SLC9A8: variants seen among roughly 807,000 people sequenced by gnomAD.
SLC9A8 encodes the protein sodium/hydrogen exchanger 8.
SLC9A8 carries 48 observed loss-of-function variants against 66.6 expected under a neutral mutation model. The observed-to-expected ratio is 0.72, with a 90% CI of 0.57 to 0.92. SLC9A8 has a LOEUF of 0.92. Among genes scored for constraint, SLC9A8 ranks in the 40% least tolerant of loss-of-function variants. The probability of loss-of-function intolerance (pLI) is 0.00; values close to 1 mark genes in which losing one functional copy is unlikely to be tolerated. For synonymous variants in SLC9A8, 274 were observed against 282.6 expected, an observed-to-expected ratio of 0.97 and a Z score of 0.31; for missense variants, 599 against 747.3, an observed-to-expected ratio of 0.80 and a Z score of 2.31.
intron 8 of SLC9A8, among the ~76,000 whole-genome samples, chr20:49,859,328 C>A (rs1182828804): frequency 6.6e-6 from 1 of 152,092 alleles, no homozygotes; most frequent in Non-Finnish European, 1.5e-5. Flanking sequence ...GAACATGGTG[C>A]CTTAAGCATG....
chr20:49,858,930 C>T (rs1158304560), intron 8 of SLC9A8, among the ~76,000 whole-genome samples: 1 of 151,182 alleles, frequency 6.6e-6, no homozygotes, highest in Non-Finnish European at 1.5e-5. Flanking sequence ...TGCACTCCAG[C>T]CAGAGCGACA....
Position 49,851,561 on chromosome 20 carries a change from A to G in SLC9A8, c.569+717A>G, listed in dbSNP as rs540563312. On this transcript the variant is annotated intron_variant, in intron 7 of 15. Coordinates refer to ENST00000361573, the MANE Select transcript of SLC9A8 (RefSeq NM_015266.3). ...CTGGGGAGCTGGGCAGCAGGGTCAC[A>G]TGTTCGTCCCCAGATCCTTGCCATG... Among the ~76,000 whole-genome samples, 21 of 152,278 alleles carry G rather than the reference A, an allele frequency of 1.4e-4. No homozygotes were observed. The East Asian group carries it at 2.5e-3, about 18-fold the overall frequency.
In SLC9A8 at chr20:49,879,750, G is replaced by A. The variant is rs536622108; in HGVS notation, c.1159-1174G>A. ...TGAGGCAGGACAATTGCTTGAACCC[G>A]GGAGGCAGAGGTTGCAGTGAGCCAA... On this transcript the variant is annotated intron_variant, in intron 12 of 15. Coordinates refer to ENST00000361573, the MANE Select transcript of SLC9A8 (RefSeq NM_015266.3). Among the ~76,000 whole-genome samples, 6 of 151,744 alleles carry A rather than the reference G, an allele frequency of 4.0e-5. No individual in the cohort carries two copies. The South Asian group carries it at 1.0e-3, about 26-fold the overall frequency.
At chr20:49,885,344 G>T (rs999033588) in intron 14 of SLC9A8, among the ~76,000 whole-genome samples, 1 of 152,118 alleles carries the variant, frequency 6.6e-6, no homozygotes, top group African/African-American at 2.4e-5. Flanking sequence ...ATTTATTTTT[G>T]AGACAGGGTC....
In SLC9A8 at chr20:49,888,731, T is replaced by G. The variant is rs1311429677; in HGVS notation, c.*795T>G. 1.3e-5 allele frequency: 2 copies of G among 152,566 alleles called. No homozygotes were observed. Among genetic ancestry groups the G allele is most frequent in the African/African-American group, 4.8e-5 (2 of 41,444 alleles). 9.5% of individuals were successfully genotyped at this position (152,566 alleles called of 1,614,324 possible). ...GCCGGCCCACAACTGCTGTCTTGAT[T>G]TGCATTTTACAGCAAAGTGCTGAGA... On this transcript the variant is annotated 3_prime_UTR_variant, in exon 16 of 16. Coordinates refer to ENST00000361573, the MANE Select transcript of SLC9A8 (RefSeq NM_015266.3).
In SLC9A8 at chr20:49,834,106, G is replaced by A. The variant is rs184875498; in HGVS notation, c.290-5435G>A. Among the ~76,000 whole-genome samples the A allele has an allele frequency of 5.2e-3, 760 of 145,174 alleles. 1 individual carries two copies. Among genetic ancestry groups the A allele is most frequent in the Middle Eastern group, 0.036 (10 of 280 alleles). ...TCTGCTAAAAATACAAAAATTAGCCGGGCGTGGTGGTGCACGCTTGTAATA... is the reference window on the plus strand; with the variant it reads ...TCTGCTAAAAATACAAAAATTAGCCAGGCGTGGTGGTGCACGCTTGTAATA... On this transcript the variant is annotated intron_variant, in intron 3 of 15. Transcript: ENST00000361573.
chr20:49,831,473 A>G (rs1271291680), intron 3 of SLC9A8, among the ~76,000 whole-genome samples: 1 of 152,094 alleles, frequency 6.6e-6, no homozygotes, highest in Non-Finnish European at 1.5e-5. Flanking sequence ...CTGCCCAGAA[A>G]CAGCTGCCTG....
chr20:49,887,921 G>A lies in SLC9A8; in HGVS notation c.1731G>A (p.Glu577=). The part of the protein sequence containing the change: ...RQGPSGSEDD[E]QELL ...GCCCCTCCGGCTCCGAGGACGACGA[G>A]CAGGAGCTGCTCTGACGCCAGGTGC... is the stretch of plus-strand genomic sequence containing the variant. Residue 577 remains glutamate, a synonymous_variant, in exon 16 of 16, where the codon GAG becomes GAA. Transcript: ENST00000361573. 1.2e-6 allele frequency: 2 copies of A among 1,613,636 alleles called. No homozygotes were observed. The highest frequency in any genetic ancestry group is 1.1e-5 in the South Asian group (1 of 91,060).
intron 4 of SLC9A8, among the ~76,000 whole-genome samples, chr20:49,841,867 G>GT (rs1219096837): frequency 6.6e-6 from 1 of 151,342 alleles, no homozygotes; most frequent in Non-Finnish European, 1.5e-5. Context: ...AGTGCTGGGA[G>GT]TACAGGTGTG....
chr20:49,846,891 C>G (rs774742566), intron 5 of SLC9A8, among the ~76,000 whole-genome samples: 1 of 151,818 alleles, frequency 6.6e-6, no homozygotes, highest in Non-Finnish European at 1.5e-5. Context: ...CCACTGCACT[C>G]CAGCCTGAGT....
At chr20:49,849,203 G>A (rs184370168) in intron 5 of SLC9A8, among the ~76,000 whole-genome samples, 2 of 152,268 alleles carry the variant, frequency 1.3e-5, no homozygotes, top group African/African-American at 2.4e-5. Flanking sequence ...CCCAGGAGTC[G>A]AATCATTCAG....
chr20:49,818,675 G>A (rs4637183), intron 2 of SLC9A8, among the ~76,000 whole-genome samples: 1 of 151,994 alleles, frequency 6.6e-6, no homozygotes, highest in East Asian at 1.9e-4. Flanking sequence ...ATTTTTAGTA[G>A]AGATGGGGTT....
At chr20:49,818,629 T>C (rs1395873899) in intron 2 of SLC9A8, among the ~76,000 whole-genome samples, 2 of 152,070 alleles carry the variant, frequency 1.3e-5, no homozygotes, top group East Asian at 3.8e-4. Flanking sequence ...TAGCTGGGGT[T>C]ACAGGTGCCT....
chr20:49,884,854 C>G (rs539388366), intron 14 of SLC9A8, among the ~76,000 whole-genome samples: 1 of 152,222 alleles, frequency 6.6e-6, no homozygotes, highest in East Asian at 1.9e-4. Flanking sequence ...CAAAGCTAGG[C>G]CCTCTGACCG....
chr20:49,819,984 A>G (rs1226764813), intron 2 of SLC9A8, among the ~76,000 whole-genome samples: 1 of 152,206 alleles, frequency 6.6e-6, no homozygotes, highest in Non-Finnish European at 1.5e-5. Flanking sequence ...TGTTGTGAAT[A>G]CTGCTGCTGT....
rs377282816 is a variant in SLC9A8, at chr20:49,815,743, GAAA to G, written c.208+564_208+566del. Among the ~76,000 whole-genome samples, 638 of 142,568 alleles carry G rather than the reference GAAA, an allele frequency of 4.5e-3. 3 individuals are homozygous for G. The highest frequency in any genetic ancestry group is 0.016 in the African/African-American group (617 of 38,902). The allele number at this position is 142,568 out of a possible 152,430, so 93.5% of individuals were successfully genotyped here. On this transcript the variant is annotated intron_variant, in intron 2 of 15. Transcript: ENST00000361573. ...CTGGATGACAGAGTAAGACTGTCTG[GAAA>G]AAAAAAAAAGAATCTTGAACATCTA...
intron 4 of SLC9A8, among the ~76,000 whole-genome samples, chr20:49,840,357 C>T (rs2087710602): frequency 6.6e-6 from 1 of 152,122 alleles, no homozygotes; most frequent in Admixed American, 6.5e-5. Context: ...AACAAGTATG[C>T]TACAAAATTG....
At chr20:49,858,861 G>A (rs763802969) in intron 8 of SLC9A8, among the ~76,000 whole-genome samples, 5 of 151,980 alleles carry the variant, frequency 3.3e-5, no homozygotes, top group Non-Finnish European at 7.4e-5. Flanking sequence ...GGGAGGCTGA[G>A]GCAGGAGGAT....
chr20:49,852,650 G>A (rs1243584118), intron 7 of SLC9A8, among the ~76,000 whole-genome samples: 1 of 152,130 alleles, frequency 6.6e-6, no homozygotes, highest in Non-Finnish European at 1.5e-5. Flanking sequence ...TTTAAAAGGC[G>A]AGGTCTTAAA....
Sources: allele counts gnomAD v4.1 joint callset (sites outside exome capture counted in the v4.1 genomes callset), GRCh38; gene constraint gnomAD v4.1.1; transcripts MANE v1.5; gene names NCBI Gene and HGNC (gene_info 2026-07-23, HGNC 2026-07-21).